The following ZNF41 variants were observed in gnomAD, a reference collection of about 807,000 sequenced individuals.
ZNF41 encodes the protein zinc finger protein 41.
Under a neutral mutation model 9.3 loss-of-function variants are expected in ZNF41, and 6 were observed. The ratio of observed to expected loss-of-function variants is 0.65; its 90% CI spans 0.35 to 1.28. ZNF41 has a LOEUF of 1.28. ZNF41 is among the 50% of genes most tolerant of loss of function. The probability of loss-of-function intolerance (pLI) is 0.03; values close to 1 mark genes in which losing one functional copy is unlikely to be tolerated. For missense variants in ZNF41, 523 were observed against 585.8 expected (o/e 0.89, Z 1.11); for synonymous variants, 192 against 207.1 (o/e 0.93, Z 0.63).
intron 4 of ZNF41, among the ~76,000 whole-genome samples, chrX:47,450,675 C>T (rs1226013992): frequency 7.1e-5 from 8 of 112,001 alleles, no homozygotes; most frequent in Non-Finnish European, 1.9e-5. Context: ...CCACTGGCCT[C>T]GCTATGTTCT....
intron 2 of ZNF41, among the ~76,000 whole-genome samples, chrX:47,460,067 C>T (rs778130921): frequency 2.2e-3 from 245 of 111,041 alleles, no homozygotes; most frequent in African/African-American, 7.3e-3. Flanking sequence ...GGCAATATGG[C>T]GAGACTCGGT....
At chrX:47,466,308 G>C (rs1025966134) in intron 2 of ZNF41, among the ~76,000 whole-genome samples, 23 of 111,216 alleles carry the variant, frequency 2.1e-4, no homozygotes, top group African/African-American at 7.2e-4. Flanking sequence ...GGTCTGAAAG[G>C]AGGGAGCTGT....
chrX:47,462,974 T>TAC (rs756873063), intron 2 of ZNF41, among the ~76,000 whole-genome samples: 29,725 of 100,690 alleles, frequency 0.3, 3,682 homozygotes, highest in South Asian at 0.38. Context: ...CACATATGTG[T>TAC]ACACACACAC....
Position 47,474,014 on chromosome X carries a change from A to T in ZNF41, c.-279-6254T>A, listed in dbSNP as rs193146724. Among the ~76,000 whole-genome samples, 4 of 112,478 alleles carry T rather than the reference A, an allele frequency of 3.6e-5. No individual in the cohort carries two copies. The Admixed American group carries it at 3.8e-4, about 11-fold the overall frequency. ...ATGTAATAGCCTCAGACTGGAAACA[A>T]GCAAAATGGCCCTCAATAGGTGAAT... On this transcript the variant is annotated intron_variant, in intron 1 of 4. Transcript: ENST00000684689.
At chrX:47,469,400 C>G (rs1197671098) in intron 1 of ZNF41, among the ~76,000 whole-genome samples, 2 of 105,240 alleles carry the variant, frequency 1.9e-5, no homozygotes, top group East Asian at 3.1e-4. Context: ...ATTCCAATCT[C>G]AGGAGAACAC....
intron 4 of ZNF41, among the ~76,000 whole-genome samples, chrX:47,454,509 G>A (rs1210570516): frequency 9.0e-6 from 1 of 111,531 alleles, no homozygotes; most frequent in Non-Finnish European, 1.9e-5. Context: ...TTCTGGATGA[G>A]GTACTCCATG....
Position 47,477,583 on chromosome X carries a change from C to T in ZNF41, c.-280+5512G>A, listed in dbSNP as rs1363405774. Among the ~76,000 whole-genome samples, 16 of 112,658 alleles carry T rather than the reference C, an allele frequency of 1.4e-4. 1 individual carries two copies. In the Admixed American group the frequency reaches 1.5e-3, roughly 11 times the overall value. ...AACTCTTATGTTTTAAGCCTCCCCA[C>T]ATAACTGAGTTGCTTTTTCACAACT... On this transcript the variant is annotated intron_variant, in intron 1 of 4. Coordinates refer to ENST00000684689, the MANE Select transcript of ZNF41 (RefSeq NM_001324144.2).
intron 2 of ZNF41, among the ~76,000 whole-genome samples, chrX:47,461,081 G>A (rs1185584519): frequency 2.7e-5 from 3 of 109,228 alleles, no homozygotes; most frequent in Admixed American, 9.9e-5. Flanking sequence ...AAAAATTAAG[G>A]ATATTTTCTT....
In ZNF41 at chrX:47,455,904, G is replaced by A. The variant is rs754572772; in HGVS notation, c.295+17C>T. 1 of 1,198,060 alleles carries A rather than the reference G, an allele frequency of 8.3e-7. No individual in the cohort carries two copies. The highest frequency in any genetic ancestry group is 1.1e-6 in the Non-Finnish European group (1 of 883,008). ...CTGACTTCCATGTCCCCATCTGTCTGGGTCATGCTCACTCACCTGAACAGC... is the reference window on the plus strand; with the variant it reads ...CTGACTTCCATGTCCCCATCTGTCTAGGTCATGCTCACTCACCTGAACAGC... On this transcript the variant is annotated intron_variant, in intron 4 of 4. Coordinates refer to ENST00000684689, the MANE Select transcript of ZNF41 (RefSeq NM_001324144.2).
intron 1 of ZNF41, among the ~76,000 whole-genome samples, chrX:47,471,341 C>T (rs761398894): frequency 7.3e-5 from 8 of 109,200 alleles, no homozygotes; most frequent in South Asian, 4.0e-4. Flanking sequence ...TGTAGCTACT[C>T]GGGAGGCTGA....
chrX:47,449,098 G>T lies in ZNF41; in HGVS notation c.672C>A (p.Phe224Leu), dbSNP rs778217999. The change falls in exon 5 of 5, where the codon TTC becomes TTA. Residue 224 changes from phenylalanine to leucine, a missense_variant. Coordinates refer to ENST00000684689, the MANE Select transcript of ZNF41 (RefSeq NM_001324144.2). ...TCTTAGTAGAGGAAGGGCTATGGGG[G>T]AAATTGTTACCATTTCCAAAAATCT... ...LGKIFGNGNNFPHSPSSTKNE... is the reference protein window; with the variant it reads ...LGKIFGNGNNLPHSPSSTKNE... 1.7e-6 allele frequency: 2 copies of T among 1,209,537 alleles called. No homozygotes were observed. The highest frequency in any genetic ancestry group is 3.5e-5 in the African/African-American group (2 of 56,997).
Position 47,467,493 on chromosome X carries a change from G to T in ZNF41, c.-12C>A. On this transcript the variant is annotated 5_prime_UTR_variant, in exon 2 of 5. Transcript: ENST00000684689. ...CCATTAGCTGCCATGTTCACGCTGG[G>T]CCTCAGCCCTCAGGCTCTCCTGCTG... 1 of 1,180,099 alleles carries T rather than the reference G, an allele frequency of 8.5e-7. No homozygotes were observed.
At chrX:47,468,513 A>G (rs1275191599) in intron 1 of ZNF41, among the ~76,000 whole-genome samples, 1 of 111,555 alleles carries the variant, frequency 9.0e-6, no homozygotes, top group Non-Finnish European at 1.9e-5. Flanking sequence ...CACACCGTTG[A>G]CAAAAAACTG....
intron 1 of ZNF41, among the ~76,000 whole-genome samples, chrX:47,479,719 A>G (rs1481447604): frequency 1.8e-5 from 2 of 108,282 alleles, no homozygotes; most frequent in Admixed American, 2.0e-4. Context: ...AAAAAAAAAA[A>G]GGTGTTGGAC....
chrX:47,462,910 G>GTATGTATA (rs1556838958), intron 2 of ZNF41, among the ~76,000 whole-genome samples: 1 of 92,758 alleles, frequency 1.1e-5, no homozygotes, highest in African/African-American at 4.0e-5. Context: ...TTTTTTGTAT[G>GTATGTATA]TATATATATA....
intron 1 of ZNF41, among the ~76,000 whole-genome samples, chrX:47,472,355 C>T (rs1180916484): frequency 9.2e-6 from 1 of 109,103 alleles, no homozygotes; most frequent in Admixed American, 9.9e-5. Context: ...ATCCCATGAA[C>T]ACTCTGTTAA....
intron 4 of ZNF41, among the ~76,000 whole-genome samples, chrX:47,449,751 C>G (rs756700354): frequency 8.9e-6 from 1 of 111,858 alleles, no homozygotes. Context: ...GAGGTAGCTA[C>G]GATTATCATT....
intron 1 of ZNF41, among the ~76,000 whole-genome samples, chrX:47,474,194 C>T (rs1411231663): frequency 2.7e-5 from 3 of 112,522 alleles, no homozygotes; most frequent in Non-Finnish European, 5.6e-5. Flanking sequence ...GGGCCAGGCG[C>T]GGTGGCTCAC....
chrX:47,476,598 G>T (rs2057337839), intron 1 of ZNF41, among the ~76,000 whole-genome samples: 1 of 111,035 alleles, frequency 9.0e-6, no homozygotes, highest in Non-Finnish European at 1.9e-5. Flanking sequence ...TAGAGAAATG[G>T]AAATCAAAAC....
Sources: allele counts gnomAD v4.1 joint callset (sites outside exome capture counted in the v4.1 genomes callset), GRCh38; gene constraint gnomAD v4.1.1; transcripts MANE v1.5; gene names NCBI Gene and HGNC (gene_info 2026-07-23, HGNC 2026-07-21).